Variants in TRPA1 observed in about 807,000 individuals in gnomAD.
TRPA1 encodes transient receptor potential cation channel subfamily A member 1, also known as ankyrin-like with transmembrane domains 1.
TRPA1 carries 129 observed loss-of-function variants against 131.3 expected under a neutral mutation model. The observed-to-expected ratio is 0.98, with a 90% CI of 0.85 to 1.14. The LOEUF (loss-of-function observed/expected upper bound fraction) is 1.14, where lower values mean the gene tolerates loss of function less well. Among genes scored for constraint, TRPA1 ranks in the 50% most tolerant of loss-of-function variants. The probability of loss-of-function intolerance (pLI) is 0.00; values close to 1 mark genes in which losing one functional copy is unlikely to be tolerated. For synonymous variants in TRPA1, 441 were observed against 451.7 expected, an observed-to-expected ratio of 0.98 and a Z score of 0.30; for missense variants, 1,304 against 1,354.2, an observed-to-expected ratio of 0.96 and a Z score of 0.58.
rs202214782 is a variant in TRPA1, at chr8:72,057,714, T to C, written c.1093+3A>G. On this transcript the variant is annotated splice_donor_region_variant and intron_variant, in intron 9 of 26. Transcript: ENST00000262209. ...AAAGACTTGGCTTGTTCCCTCTTGG[T>C]ACCTTTAGAGAGTAGCAAATTTACA... The C allele has an allele frequency of 1.6e-5, 25 of 1,610,640 alleles. No individual in the cohort carries two copies. The highest frequency in any genetic ancestry group is 1.9e-5 in the Non-Finnish European group (22 of 1,177,232).
At chr8:72,047,836 A>T (rs1805384654) in intron 15 of TRPA1, among the ~76,000 whole-genome samples, 1 of 152,144 alleles carries the variant, frequency 6.6e-6, no homozygotes, top group African/African-American at 2.4e-5. Context: ...TCTGGTCCCA[A>T]GAAGTTGGGA....
At chr8:72,084,527 A>G in the TRPA1 span, among the ~76,000 whole-genome samples, 2 of 149,588 alleles carry the variant, frequency 1.3e-5, no homozygotes, top group African/African-American at 2.5e-5. Context: ...TATCCTTCCT[A>G]TTTAGCTTCT....
chr8:72,090,007 G>A, the TRPA1 span, among the ~76,000 whole-genome samples: 9 of 151,814 alleles, frequency 5.9e-5, no homozygotes, highest in Admixed American at 4.6e-4. Context: ...ATAATCAAGC[G>A]GAGAAGTGTT....
intron 17 of TRPA1, among the ~76,000 whole-genome samples, chr8:72,040,117 C>A (rs995460289): frequency 2.0e-5 from 3 of 152,084 alleles, no homozygotes; most frequent in Admixed American, 6.6e-5. Context: ...GTTATACCCT[C>A]ATTGTGTCCT....
chr8:72,053,843 C>A lies in TRPA1; in HGVS notation c.1554G>T (p.Leu518Phe). 6 of 1,611,674 alleles carry A rather than the reference C, an allele frequency of 3.7e-6. No individual in the cohort carries two copies. Among genetic ancestry groups the A allele is most frequent in the South Asian group, 3.3e-5 (3 of 90,780 alleles). ...FLSDHNGWTA[L>F]HHASMGGYTQ... ...TGTACCCGCCCATGGACGCATGATG[C>A]AAAGCTGTCCAGCCATTGTGGTCAC... Residue 518 changes from leucine (L) to phenylalanine (F), a missense_variant, in exon 13 of 27, where the codon TTG becomes TTT. Physicochemically the swap from Leu to Phe is conservative, Grantham distance 22 (BLOSUM62 0). Coordinates refer to ENST00000262209, the MANE Select transcript of TRPA1 (RefSeq NM_007332.3).
At chr8:72,059,301 C>T (rs1805749985) in intron 8 of TRPA1, 89 bp downstream of exon 8, 1 of 923,922 alleles carries the variant, frequency 1.1e-6, no homozygotes, top group Non-Finnish European at 1.6e-6. Context: ...TCAAAATTTG[C>T]TTCATTTTTG....
intron 16 of TRPA1, 31 bp downstream of exon 16, chr8:72,047,117 A>G: frequency 6.7e-7 from 1 of 1,503,186 alleles, no homozygotes; most frequent in Non-Finnish European, 9.2e-7. Flanking sequence ...AACAAAATAA[A>G]TTTCAGATAA....
chr8:72,052,504 C>G, intron 14 of TRPA1, 95 bp downstream of exon 14: 1 of 1,516,838 alleles, frequency 6.6e-7, no homozygotes, highest in Non-Finnish European at 9.1e-7. Flanking sequence ...TGATTAATGG[C>G]TGAAAATCAT....
chr8:72,085,742 ATATTGAT>A, the TRPA1 span, among the ~76,000 whole-genome samples: 1 of 151,906 alleles, frequency 6.6e-6, no homozygotes, highest in African/African-American at 2.4e-5. Flanking sequence ...TAGTTTATTT[ATATTGAT>A]TGTGATCATG....
intron 23 of TRPA1, 95 bp downstream of exon 23, chr8:72,033,549 C>G: frequency 8.4e-7 from 1 of 1,183,650 alleles, no homozygotes; most frequent in Non-Finnish European, 1.2e-6. Flanking sequence ...TCCTGATCTC[C>G]CCAGTGGAGG....
chr8:72,075,570 C>G lies in TRPA1; in HGVS notation c.-161G>C, dbSNP rs548841078. ...GCGAAAAAGTCGCTCTGCGGAAGCCCTGGAGAACTTCTGGAAGGAGTTCTC... is the reference window on the plus strand; with the variant it reads ...GCGAAAAAGTCGCTCTGCGGAAGCCGTGGAGAACTTCTGGAAGGAGTTCTC... On this transcript the variant is annotated 5_prime_UTR_variant, in exon 1 of 27. Transcript: ENST00000262209. 2 of 659,198 alleles carry G rather than the reference C, an allele frequency of 3.0e-6. No individual in the cohort carries two copies. The highest frequency in any genetic ancestry group is 3.4e-5 in the South Asian group (2 of 58,704). The allele number at this position is 659,198 out of a possible 1,614,324, so 40.8% of individuals were successfully genotyped here. A position where few individuals can be genotyped will look rare whatever the true frequency, so the allele number is the denominator to read the frequency against.
At chr8:72,023,359 T>C in intron 26 of TRPA1, 2 of 566,820 alleles carry the variant, frequency 3.5e-6, no homozygotes, top group East Asian at 5.9e-5. Context: ...TAAGAAACTA[T>C]TATAGAGAAA....
At position 72,022,898 on chromosome 8, in the gene TRPA1, C is replaced by A. The variant is rs748264976; in HGVS notation, c.*8G>T. 6.2e-6 allele frequency: 10 copies of A among 1,612,674 alleles called. No individual in the cohort carries two copies. The highest frequency in any genetic ancestry group is 8.5e-6 in the Non-Finnish European group (10 of 1,178,976). On this transcript the variant is annotated 3_prime_UTR_variant, in exon 27 of 27. Transcript: ENST00000262209. ...CCCCATTAGAAGCCTCACTGAAGGTCTGAGGAGCTAAGGCTCAAGATGGTG... is the reference window on the plus strand; with the variant it reads ...CCCCATTAGAAGCCTCACTGAAGGTATGAGGAGCTAAGGCTCAAGATGGTG...
chr8:72,052,663 A>G lies in TRPA1; in HGVS notation c.1747T>C (p.Phe583Leu). Residue 583 changes from phenylalanine (F) to leucine (L), a missense_variant, in exon 14 of 27, where the codon TTT (phenylalanine) becomes CTT (leucine). By Grantham distance (22) the Phe-to-Leu change is conservative (BLOSUM62 0). Coordinates refer to ENST00000262209, the MANE Select transcript of TRPA1 (RefSeq NM_007332.3). ...TTATTGTGAAGTGCAAGGTGCAAAA[A>G]GGAGGCCTGCTGCTTGTTCAGGACT... ...DIVLNKQQAS[F>L]LHLALHNKRK... 6.2e-7 allele frequency: 1 copy of G among 1,613,832 alleles called. No homozygotes were observed. The highest frequency in any genetic ancestry group is 8.5e-7 in the Non-Finnish European group (1 of 1,179,830).
intron 15 of TRPA1, 96 bp from the exon 16 acceptor site, chr8:72,047,303 C>T (rs925024589): frequency 2.3e-6 from 2 of 871,634 alleles, no homozygotes; most frequent in Admixed American, 2.0e-5. Context: ...AAGACATTCC[C>T]TTTCCTTTCC....
At chr8:72,048,515 T>G (rs977468136) in intron 15 of TRPA1, among the ~76,000 whole-genome samples, 5 of 152,004 alleles carry the variant, frequency 3.3e-5, no homozygotes, top group Non-Finnish European at 5.9e-5. Flanking sequence ...AAGACAAGAC[T>G]AGCCAGTAGT....
At position 72,060,347 on chromosome 8, in the gene TRPA1, T is replaced by C. The variant is rs146569102; in HGVS notation, c.945-909A>G. 63 of 152,154 alleles carry C rather than the reference T, an allele frequency of 4.1e-4. 1 individual carries two copies. The highest frequency in any genetic ancestry group is 3.4e-3 in the Middle Eastern group (1 of 294). 9.4% of individuals were successfully genotyped at this position (152,154 alleles called of 1,614,324 possible). ...TAATTCCTGAGATTCATCTTAAAGA[T>C]TTTCATATCTTCTAGGTTATAAATT... On this transcript the variant is annotated intron_variant, in intron 7 of 26. Transcript: ENST00000262209.
At chr8:72,054,159 G>A in intron 12 of TRPA1, 1 of 401,948 alleles carries the variant, frequency 2.5e-6, no homozygotes. Flanking sequence ...CGCTTAGCAT[G>A]TCTGTGTCAT....
At position 72,053,771 on chromosome 8, in the gene TRPA1, A is replaced by G. The variant is rs375601103; in HGVS notation, c.1626T>C (p.Asp542=). 3.1e-6 allele frequency: 5 copies of G among 1,612,410 alleles called. No homozygotes were observed. The highest frequency in any genetic ancestry group is 4.2e-6 in the Non-Finnish European group (5 of 1,179,662). ...VILDTNLKCT[D]RLDEDGNTAL... ...TACATACCCCGTCTTCATCCAGGCG[A>G]TCTGTGCACTTCAAATTAGTATCAA... The change falls in exon 13 of 27, where the codon GAT becomes GAC. Residue 542 remains aspartate, a synonymous_variant. Transcript: ENST00000262209.
Sources: allele counts gnomAD v4.1 joint callset (sites outside exome capture counted in the v4.1 genomes callset), GRCh38; gene constraint gnomAD v4.1.1; transcripts MANE v1.5; gene names NCBI Gene and HGNC (gene_info 2026-07-23, HGNC 2026-07-21).